The following HPSE2 variants were observed in gnomAD, a reference collection of about 807,000 sequenced individuals.
The protein encoded by HPSE2 is heparanase 2 (inactive), also known as inactive heparanase-2.
In HPSE2, 38 loss-of-function variants were observed where a neutral mutation model predicts 60.5. The ratio of observed to expected loss-of-function variants is 0.63; its 90% CI spans 0.48 to 0.82. The LOEUF (loss-of-function observed/expected upper bound fraction) is 0.82, where lower values mean the gene tolerates loss of function less well. Among genes scored for constraint, HPSE2 ranks in the 40% least tolerant of loss-of-function variants. The pLI, the probability that HPSE2 is intolerant of heterozygous loss-of-function variation, is 0.00. For missense variants in HPSE2, 713 were observed against 740.4 expected (o/e 0.96, Z 0.43); for synonymous variants, 295 against 293.2 (o/e 1.01, Z -0.06).
intron 3 of HPSE2, among the ~76,000 whole-genome samples, chr10:99,031,741 G>A (rs1219390882): frequency 6.6e-6 from 1 of 152,188 alleles, no homozygotes; most frequent in East Asian, 1.9e-4. Flanking sequence ...GTTATCTACA[G>A]TGTAATATTG....
chr10:98,665,896 C>T (rs2134098776), intron 6 of HPSE2, among the ~76,000 whole-genome samples: 1 of 152,232 alleles, frequency 6.6e-6, no homozygotes, highest in East Asian at 1.9e-4. Flanking sequence ...AAACAAAAAG[C>T]TAATAACATG....
In HPSE2 at chr10:98,836,519, A is replaced by G. The variant is rs190783551; in HGVS notation, c.611-92463T>C. 8.8e-5 allele frequency among the ~76,000 whole-genome samples: 13 copies of G among 148,346 alleles called. No homozygotes were observed. In the East Asian group the frequency reaches 2.4e-3, roughly 27 times the overall value. On this transcript the variant is annotated intron_variant, in intron 3 of 11. Coordinates refer to ENST00000370552, the MANE Select transcript of HPSE2 (RefSeq NM_021828.5). Reference sequence around the variant, plus strand: ...CATGAATCTAACAAGCTTTAAAGTAACTTCTGATAAAAAAAATTGTTACAA... The same window carrying G: ...CATGAATCTAACAAGCTTTAAAGTAGCTTCTGATAAAAAAAATTGTTACAA...
chr10:98,615,839 A>T (rs1945891759), intron 8 of HPSE2, among the ~76,000 whole-genome samples: 1 of 152,214 alleles, frequency 6.6e-6, no homozygotes, highest in African/African-American at 2.4e-5. Context: ...TACATAGAAT[A>T]AATGTGACTT....
chr10:99,288,439 C>T, the HPSE2 span, among the ~76,000 whole-genome samples: 1 of 151,522 alleles, frequency 6.6e-6, no homozygotes, highest in Non-Finnish European at 1.5e-5. Context: ...TTTAATTATC[C>T]CAGAATAAAA....
chr10:98,583,393 C>A (rs887301179), intron 9 of HPSE2, among the ~76,000 whole-genome samples: 1 of 152,166 alleles, frequency 6.6e-6, no homozygotes, highest in Non-Finnish European at 1.5e-5. Context: ...GCTTTTCTTT[C>A]ATTGCTTTGG....
chr10:99,093,429 A>C (rs2135603797), intron 3 of HPSE2, among the ~76,000 whole-genome samples: 1 of 152,334 alleles, frequency 6.6e-6, no homozygotes, highest in East Asian at 1.9e-4. Context: ...AACATCATAA[A>C]GAGGCATTGT....
chr10:98,804,706 T>C (rs1286848117), intron 3 of HPSE2, among the ~76,000 whole-genome samples: 1 of 152,148 alleles, frequency 6.6e-6, no homozygotes, highest in African/African-American at 2.4e-5. Flanking sequence ...GTACGACTAC[T>C]ATGGAAAAAA....
At chr10:98,739,486 C>A (rs1478737007) in intron 4 of HPSE2, among the ~76,000 whole-genome samples, 2 of 151,474 alleles carry the variant, frequency 1.3e-5, no homozygotes, top group Admixed American at 6.6e-5. Context: ...AAAAAAAGTA[C>A]ATAAATACAT....
chr10:98,493,643 A>G (rs1941733018), intron 9 of HPSE2, among the ~76,000 whole-genome samples: 1 of 152,182 alleles, frequency 6.6e-6, no homozygotes, highest in Non-Finnish European at 1.5e-5. Flanking sequence ...TTTATGGAAT[A>G]TATTTTTCCA....
At chr10:99,292,949 C>G in the HPSE2 span, among the ~76,000 whole-genome samples, 1 of 152,090 alleles carries the variant, frequency 6.6e-6, no homozygotes, top group South Asian at 2.1e-4. Flanking sequence ...TCTGCTCCCG[C>G]CTCCCCAAAC....
intron 9 of HPSE2, among the ~76,000 whole-genome samples, chr10:98,565,311 G>A (rs971133471): frequency 1.3e-4 from 19 of 151,936 alleles, no homozygotes; most frequent in Non-Finnish European, 1.9e-4. Flanking sequence ...TTGTCCTAAT[G>A]CTCTCACTCC....
At chr10:98,832,121 A>C (rs1192600573) in intron 3 of HPSE2, among the ~76,000 whole-genome samples, 1 of 152,000 alleles carries the variant, frequency 6.6e-6, no homozygotes, top group African/African-American at 2.4e-5. Flanking sequence ...TGGGTTCAAT[A>C]TCTAACTGCT....
chr10:99,297,197 C>T, the HPSE2 span, among the ~76,000 whole-genome samples: 1 of 152,080 alleles, frequency 6.6e-6, no homozygotes, highest in African/African-American at 2.4e-5. Flanking sequence ...GGTGGAGTGG[C>T]CATAATGCAG....
chr10:99,143,869 T>A (rs1486137767), intron 3 of HPSE2, among the ~76,000 whole-genome samples: 1 of 152,134 alleles, frequency 6.6e-6, no homozygotes, highest in Admixed American at 6.5e-5. Context: ...TTATCTCTTT[T>A]ACATTTCATC....
intron 3 of HPSE2, among the ~76,000 whole-genome samples, chr10:99,117,155 CA>C (rs1844726280): frequency 6.6e-6 from 1 of 150,850 alleles, no homozygotes; most frequent in South Asian, 2.1e-4. Flanking sequence ...TCAAGAAAAC[CA>C]ATACCCCAAT....
chr10:98,504,282 A>G (rs1942122066), intron 9 of HPSE2, among the ~76,000 whole-genome samples: 1 of 152,036 alleles, frequency 6.6e-6, no homozygotes, highest in East Asian at 1.9e-4. Flanking sequence ...TCTGTTATTT[A>G]CTATGTTCAA....
intron 3 of HPSE2, among the ~76,000 whole-genome samples, chr10:98,907,475 A>T (rs1460526479): frequency 6.6e-6 from 1 of 152,224 alleles, no homozygotes; most frequent in Non-Finnish European, 1.5e-5. Context: ...CTCTCTAATT[A>T]AAAAAACAAA....
At chr10:99,048,293 G>C in intron 3 of HPSE2, 1 of 451,170 alleles carries the variant, frequency 2.2e-6, no homozygotes, top group Non-Finnish European at 4.1e-6. Flanking sequence ...TCCACAAGGT[G>C]GAATGAAGAA....
intron 3 of HPSE2, among the ~76,000 whole-genome samples, chr10:99,050,092 A>T (rs917610660): frequency 6.6e-6 from 1 of 152,200 alleles, no homozygotes; most frequent in African/African-American, 2.4e-5. Flanking sequence ...TCAGGCCAGA[A>T]ATTTAAGACC....
Sources: allele counts gnomAD v4.1 joint callset (sites outside exome capture counted in the v4.1 genomes callset), GRCh38; gene constraint gnomAD v4.1.1; transcripts MANE v1.5; gene names NCBI Gene and HGNC (gene_info 2026-07-23, HGNC 2026-07-21).